WWC2: variants seen among roughly 807,000 people sequenced by gnomAD.
WWC2 encodes the protein WW and C2 domain containing 2, also known as protein WWC2.
WWC2 carries 101 observed loss-of-function variants against 138.5 expected under a neutral mutation model. That is an observed-to-expected ratio of 0.73 (90% CI 0.62 to 0.86). The LOEUF is 0.86. Among genes scored for constraint, WWC2 ranks in the 40% least tolerant of loss-of-function variants. WWC2 has a pLI of 0.00. For synonymous variants in WWC2, 558 were observed against 538.4 expected, an observed-to-expected ratio of 1.04 and a Z score of -0.50; for missense variants, 1,420 against 1,419.4, an observed-to-expected ratio of 1.00 and a Z score of -0.01.
intron 1 of WWC2, among the ~76,000 whole-genome samples, chr4:183,177,240 A>G (rs892087660): frequency 2.0e-5 from 3 of 152,228 alleles, no homozygotes; most frequent in Non-Finnish European, 4.4e-5. Context: ...TGTGACTTCC[A>G]CAACAGGTGT....
chr4:183,193,392 A>G (rs1285609378), intron 1 of WWC2, among the ~76,000 whole-genome samples: 1 of 152,076 alleles, frequency 6.6e-6, no homozygotes, highest in African/African-American at 2.4e-5. Flanking sequence ...GTATAGATTT[A>G]TCTCCAAATA....
At chr4:183,269,333 A>G (rs1008200803) in intron 15 of WWC2, 170 bp downstream of exon 15, 1 of 744,676 alleles carries the variant, frequency 1.3e-6, no homozygotes, top group Non-Finnish European at 2.4e-6. Flanking sequence ...GTTTCTGTTT[A>G]TTCTCTTATT....
intron 21 of WWC2, among the ~76,000 whole-genome samples, chr4:183,291,338 G>A (rs1202736256): frequency 2.0e-5 from 3 of 152,224 alleles, no homozygotes. Context: ...GTGGGCAGGA[G>A]CCTGCAGGAG....
At chr4:183,295,080 A>C (rs1738591492) in intron 21 of WWC2, among the ~76,000 whole-genome samples, 1 of 64,364 alleles carries the variant, frequency 1.6e-5, no homozygotes, top group Non-Finnish European at 4.1e-5. Context: ...TTCCAGCTGA[A>C]AAAAAAAATT....
intron 16 of WWC2, among the ~76,000 whole-genome samples, chr4:183,280,253 T>TTTTTTTTTTTC (rs1738024474): frequency 6.8e-6 from 1 of 146,340 alleles, no homozygotes; most frequent in African/African-American, 2.5e-5. Context: ...TTTTTTTTTT[T>TTTTTTTTTTTC]TGCTTTGTTT....
intron 1 of WWC2, among the ~76,000 whole-genome samples, chr4:183,111,472 A>C (rs1457993042): frequency 6.6e-6 from 1 of 152,126 alleles, no homozygotes; most frequent in Non-Finnish European, 1.5e-5. Flanking sequence ...TTTAATAGAG[A>C]TACATTAGAA....
At chr4:183,127,628 A>G (rs1157936975) in intron 1 of WWC2, among the ~76,000 whole-genome samples, 1 of 152,186 alleles carries the variant, frequency 6.6e-6, no homozygotes, top group East Asian at 1.9e-4. Context: ...CTAAATGAGT[A>G]GATTGTAGCT....
chr4:183,211,783 G>A, intron 4 of WWC2, among the ~76,000 whole-genome samples: 1 of 151,934 alleles, frequency 6.6e-6, no homozygotes, highest in Admixed American at 6.6e-5. Flanking sequence ...AGCAGAAACA[G>A]TGCGATGTTT....
rs1739464124 is a variant in WWC2 at position 183,317,038 on chromosome 4, T to C, written c.*1309T>C. ...GCATCAAGGCTTTTAAAATATGTAG[T>C]ATTTAGGCCATTTAAACCATACTTA... On this transcript the variant is annotated 3_prime_UTR_variant, in exon 23 of 23. Transcript: ENST00000403733. 1 of 152,126 alleles carries C rather than the reference T, an allele frequency of 6.6e-6. No individual in the cohort carries two copies. The highest frequency in any genetic ancestry group is 2.4e-5 in the African/African-American group (1 of 41,426). The allele number at this position is 152,126 out of a possible 1,614,324, so 9.4% of individuals were successfully genotyped here.
intron 22 of WWC2, among the ~76,000 whole-genome samples, chr4:183,313,474 G>A (rs1739332108): frequency 6.6e-6 from 1 of 152,070 alleles, no homozygotes; most frequent in Non-Finnish European, 1.5e-5. Flanking sequence ...GGAGAATGCT[G>A]GGGAGCAGGG....
intron 7 of WWC2, among the ~76,000 whole-genome samples, 162 bp from the exon 8 acceptor site, chr4:183,249,758 C>G (rs147860013): frequency 6.6e-6 from 1 of 152,154 alleles, no homozygotes; most frequent in African/African-American, 2.4e-5. Context: ...TGTTTTGCCC[C>G]TACTGAGACA....
At chr4:183,228,821 G>C (rs1448679960) in intron 4 of WWC2, among the ~76,000 whole-genome samples, 2 of 152,050 alleles carry the variant, frequency 1.3e-5, no homozygotes, top group African/African-American at 2.4e-5. Flanking sequence ...TGTAGCCTGT[G>C]TCTGGAAGTA....
intron 8 of WWC2, among the ~76,000 whole-genome samples, chr4:183,252,145 C>A (rs17291149): frequency 0.28 from 42,877 of 152,134 alleles, 7,103 homozygotes; most frequent in South Asian, 0.47. Context: ...CTACTTCCAT[C>A]TTTGCTCTTG....
At chr4:183,109,716 C>T (rs1480112472) in intron 1 of WWC2, among the ~76,000 whole-genome samples, 4 of 152,224 alleles carry the variant, frequency 2.6e-5, no homozygotes, top group African/African-American at 7.2e-5. Context: ...GGCCATTGAC[C>T]GGTACCAGTC....
Position 183,188,593 on chromosome 4 carries a change from G to A in WWC2, c.132-5006G>A, listed in dbSNP as rs1026669128. Among the ~76,000 whole-genome samples the A allele has an allele frequency of 6.8e-4, 100 of 147,796 alleles. 1 individual carries two copies. Among genetic ancestry groups the A allele is most frequent in the African/African-American group, 2.4e-3 (96 of 39,502 alleles). ...GTTTTCTAGAAATTCTATCTAATAT[G>A]ATCTCTCTCTCTCTATCTAATATGA... On this transcript the variant is annotated intron_variant, in intron 1 of 22. Coordinates refer to ENST00000403733, the MANE Select transcript of WWC2 (RefSeq NM_024949.6).
intron 5 of WWC2, among the ~76,000 whole-genome samples, chr4:183,244,807 C>G (rs1328798651): frequency 6.6e-6 from 1 of 152,100 alleles, no homozygotes; most frequent in Admixed American, 6.5e-5. Context: ...ACGTCTTTTA[C>G]CTTTCTTGGG....
At chr4:183,241,572 A>G (rs1580097851) in intron 5 of WWC2, among the ~76,000 whole-genome samples, 2 of 152,288 alleles carry the variant, frequency 1.3e-5, no homozygotes, top group East Asian at 3.9e-4. Context: ...CTGACTGCAT[A>G]TTAGAATAAT....
At chr4:183,133,062 CT>C (rs1732985041) in intron 1 of WWC2, among the ~76,000 whole-genome samples, 1 of 137,134 alleles carries the variant, frequency 7.3e-6, no homozygotes, top group African/African-American at 2.8e-5. Flanking sequence ...TTTTCCTTTT[CT>C]TTTTCCTTCC....
At chr4:183,113,507 TGTGTGTGTGCGCGCGC>T (rs1472683079) in intron 1 of WWC2, among the ~76,000 whole-genome samples, 59 of 144,658 alleles carry the variant, frequency 4.1e-4, no homozygotes, top group East Asian at 1.6e-3. Context: ...TGTGTGTGTG[TGTGTGTGTGCGCGCGC>T]GTGCGCGCGC....
Sources: allele counts gnomAD v4.1 joint callset (sites outside exome capture counted in the v4.1 genomes callset), GRCh38; gene constraint gnomAD v4.1.1; transcripts MANE v1.5; gene names NCBI Gene and HGNC (gene_info 2026-07-23, HGNC 2026-07-21).